The following NALCN variants were observed in gnomAD, a reference collection of about 807,000 sequenced individuals.
NALCN encodes sodium leak channel NALCN.
NALCN carries 111 observed loss-of-function variants against 225.3 expected under a neutral mutation model. The ratio of observed to expected loss-of-function variants is 0.49; its 90% confidence interval spans 0.42 to 0.58. The LOEUF is 0.58. NALCN is among the 20% of genes least tolerant of loss of function. NALCN has a pLI of 0.00. For missense variants in NALCN, 1,378 were observed against 2,202.4 expected, an observed-to-expected ratio of 0.63 and a Z score of 7.49; for synonymous variants, 764 against 769.0, an observed-to-expected ratio of 0.99 and a Z score of 0.11.
At chr13:101,073,857 G>A (rs984841106) in intron 36 of NALCN, among the ~76,000 whole-genome samples, 180 bp from the exon 37 acceptor site, 2 of 151,948 alleles carry the variant, frequency 1.3e-5, no homozygotes, top group Non-Finnish European at 1.5e-5. Context: ...AAGTATAGCC[G>A]TCTGAACACC....
chr13:101,170,816 C>T (rs1050327365), intron 15 of NALCN, among the ~76,000 whole-genome samples: 1 of 152,208 alleles, frequency 6.6e-6, no homozygotes, highest in African/African-American at 2.4e-5. Flanking sequence ...ACTACCTATA[C>T]TTCCCTTTTC....
At chr13:101,057,196 A>G (rs1190626637) in intron 43 of NALCN, 1 of 152,304 alleles carries the variant, frequency 6.6e-6, no homozygotes. Context: ...TTATCTATAG[A>G]AAAAAACATG....
chr13:101,061,914 G>A (rs546398653), intron 41 of NALCN, 54 bp downstream of exon 41: 81 of 1,537,682 alleles, frequency 5.3e-5, no homozygotes, highest in South Asian at 5.0e-4. Flanking sequence ...ATCCTCCTGC[G>A]GGGCAGGGCG....
rs1454836297 is a variant in NALCN, at chr13:101,292,760, T to A, written c.800-394A>T. On this transcript the variant is annotated intron_variant, in intron 7 of 43. Coordinates refer to ENST00000251127, the MANE Select transcript of NALCN (RefSeq NM_052867.4). This position sits in a 1 kb window ranked among gnomAD's most constrained non-coding sequence, Gnocchi z 4.3. ...AGCTGAAAAGCACCTGCTATAGTTT[T>A]AACCAAAATGAAATAAATGGGAGAA... Among the ~76,000 whole-genome samples, 1 of 152,214 alleles carries A rather than the reference T, an allele frequency of 6.6e-6. No individual in the cohort carries two copies. Among genetic ancestry groups the A allele is most frequent in the Non-Finnish European group, 1.5e-5 (1 of 68,028 alleles).
At chr13:101,095,509 C>T in intron 28 of NALCN, 65 bp downstream of exon 28, 1 of 1,317,212 alleles carries the variant, frequency 7.6e-7, no homozygotes, top group Admixed American at 2.0e-5. Context: ...CCATATGATA[C>T]TTATTTAAAG....
At chr13:101,098,992 C>T (rs2034663655) in intron 27 of NALCN, among the ~76,000 whole-genome samples, 1 of 151,498 alleles carries the variant, frequency 6.6e-6, no homozygotes, top group African/African-American at 2.4e-5. Context: ...TGCTCATCTG[C>T]TGGCTGCTGT....
chr13:101,057,693 G>A (rs1465705422), intron 43 of NALCN: 1 of 501,686 alleles, frequency 2.0e-6, no homozygotes, highest in East Asian at 3.8e-5. Context: ...CTTTTTCATA[G>A]GTGCTGGCTT....
intron 35 of NALCN, 57 bp from the exon 36 acceptor site, chr13:101,074,719 AC>A: frequency 1.3e-6 from 2 of 1,490,192 alleles, no homozygotes; most frequent in Non-Finnish European, 1.8e-6. Context: ...AGAGACAGAG[AC>A]AGAGAGAGAG....
intron 16 of NALCN, among the ~76,000 whole-genome samples, 179 bp from the exon 17 acceptor site, chr13:101,143,400 T>C (rs1016547067): frequency 3.9e-5 from 6 of 152,194 alleles, no homozygotes; most frequent in Non-Finnish European, 8.8e-5. Flanking sequence ...TGACTCCTGC[T>C]TAAAAAGCAA....
chr13:101,354,965 C>A (rs1158807319), intron 6 of NALCN, among the ~76,000 whole-genome samples: 2 of 152,168 alleles, frequency 1.3e-5, no homozygotes, highest in African/African-American at 4.8e-5. Context: ...AGGGGCAGAA[C>A]CCTCATGAAT....
At chr13:101,407,115 C>G (rs2047647048) in intron 1 of NALCN, among the ~76,000 whole-genome samples, 2 of 152,182 alleles carry the variant, frequency 1.3e-5, no homozygotes, top group Non-Finnish European at 1.5e-5. Flanking sequence ...GCCCAGAACA[C>G]AGTTGTTATG....
At chr13:101,210,163 G>A (rs1440552804) in intron 13 of NALCN, among the ~76,000 whole-genome samples, 1 of 152,090 alleles carries the variant, frequency 6.6e-6, no homozygotes, top group Non-Finnish European at 1.5e-5. Context: ...TTGCTTAGAG[G>A]GGGTCCCTCT....
Position 101,067,945 on chromosome 13 carries a change from T to A in NALCN, c.4419A>T (p.Ile1473=). ...SYNDLRHFQI[I]WNMVDDKREG... is the part of the protein sequence containing the mutation. ...CTCTTTTATCATCCACCATGTTCCA[T>A]ATTATTTGAAAGTGGCGAAGATCAT... The change falls in exon 39 of 44, where the codon ATA becomes ATT. Residue 1473 remains isoleucine, a synonymous_variant. Transcript: ENST00000251127. The A allele has an allele frequency of 6.2e-7, 1 of 1,612,722 alleles. No individual in the cohort carries two copies. Among genetic ancestry groups the A allele is most frequent in the Non-Finnish European group, 8.5e-7 (1 of 1,179,096 alleles).
At chr13:101,144,340 C>A (rs1566336068) in intron 16 of NALCN, among the ~76,000 whole-genome samples, 2 of 152,138 alleles carry the variant, frequency 1.3e-5, no homozygotes, top group Non-Finnish European at 2.9e-5. Context: ...ACAAACTGGG[C>A]CAGCTGTGGT....
intron 1 of NALCN, 53 bp downstream of exon 1, chr13:101,416,260 G>T (rs183471571): frequency 1.3e-5 from 2 of 152,146 alleles, no homozygotes; most frequent in African/African-American, 4.8e-5. Flanking sequence ...TCGGGCGCAG[G>T]GCACGGAGCC....
chr13:101,389,719 CAAG>C (rs1451520952), intron 3 of NALCN, among the ~76,000 whole-genome samples: 4 of 152,192 alleles, frequency 2.6e-5, no homozygotes, highest in Admixed American at 1.3e-4. Flanking sequence ...ATGTGAACAA[CAAG>C]AAGAACAACC....
intron 13 of NALCN, among the ~76,000 whole-genome samples, chr13:101,195,708 AG>A (rs2039863127): frequency 6.6e-6 from 1 of 152,184 alleles, no homozygotes; most frequent in Non-Finnish European, 1.5e-5. Flanking sequence ...GATTTCATTC[AG>A]GCACAACATC....
At chr13:101,291,945 G>A in intron 9 of NALCN, 45 bp downstream of exon 9, 1 of 1,581,048 alleles carries the variant, frequency 6.3e-7, no homozygotes. Flanking sequence ...GGTGAGACAT[G>A]TGCATGCTCG....
intron 7 of NALCN, among the ~76,000 whole-genome samples, chr13:101,306,517 A>C (rs2044158749): frequency 6.6e-6 from 1 of 152,106 alleles, no homozygotes; most frequent in East Asian, 1.9e-4. Flanking sequence ...TGTCCTGGTG[A>C]TTCTTTTATA....
Sources: gnomAD v4.1 joint callset for allele counts (sites outside exome capture counted in the v4.1 genomes callset) on GRCh38, gnomAD v4.1.1 for gene constraint, Gnocchi (gnomAD v3.1) non-coding constraint, MANE v1.5 for transcripts, NCBI Gene and HGNC (gene_info 2026-07-23, HGNC 2026-07-21) for gene names.